The following KLHL29 variants were observed in gnomAD, a reference collection of about 807,000 sequenced individuals.
KLHL29 encodes the protein kelch-like protein 29.
A neutral mutation model predicts 80.4 loss-of-function variants in KLHL29; 21 were observed. That is an observed-to-expected ratio of 0.26 (90% CI 0.19 to 0.38). KLHL29 has a LOEUF of 0.38. KLHL29 is among the 10% of genes least tolerant of loss of function. The pLI, the probability that KLHL29 is intolerant of heterozygous loss-of-function variation, is 1.00. For missense variants in KLHL29, 867 were observed against 1,223.9 expected (o/e 0.71, Z 4.35); for synonymous variants, 511 against 526.8 (o/e 0.97, Z 0.41).
chr2:23,415,457 A>AT (rs1429637060), intron 1 of KLHL29, among the ~76,000 whole-genome samples: 1 of 152,188 alleles, frequency 6.6e-6, no homozygotes, highest in Non-Finnish European at 1.5e-5. Flanking sequence ...TTAAAGCATT[A>AT]TTGTTACTTG....
At chr2:23,692,323 T>A (rs1386964421) in intron 7 of KLHL29, among the ~76,000 whole-genome samples, 1 of 152,210 alleles carries the variant, frequency 6.6e-6, no homozygotes, top group Admixed American at 6.5e-5. Context: ...GAACTGTCCC[T>A]TGAGTACCCA....
At position 23,706,807 on chromosome 2, in the gene KLHL29, T is replaced by G; in HGVS notation, c.*143T>G. 1 of 579,408 alleles carries G rather than the reference T, an allele frequency of 1.7e-6. No homozygotes were observed. Among genetic ancestry groups the G allele is most frequent in the Non-Finnish European group, 2.9e-6 (1 of 349,472 alleles). The allele number at this position is 579,408 out of a possible 1,614,324, so 35.9% of individuals were successfully genotyped here. A position where few individuals can be genotyped will look rare whatever the true frequency, so the allele number is the denominator to read the frequency against. ...TGCGCTCAACATGTTGAATATTCTC[T>G]ACATTGAATGTAGAAAATCATCCTC... On this transcript the variant is annotated 3_prime_UTR_variant, in exon 14 of 14. Coordinates refer to ENST00000486442, the MANE Select transcript of KLHL29 (RefSeq NM_052920.2).
At chr2:23,392,630 G>A (rs1383596148) in intron 1 of KLHL29, among the ~76,000 whole-genome samples, 3 of 152,174 alleles carry the variant, frequency 2.0e-5, no homozygotes. Flanking sequence ...TGAAGATGAG[G>A]CTCAGTGGTA....
chr2:23,511,104 G>A (rs1653771), intron 2 of KLHL29, among the ~76,000 whole-genome samples: 70,437 of 151,984 alleles, frequency 0.46, 17,211 homozygotes, highest in Middle Eastern at 0.54. Flanking sequence ...TGGCAGGGTT[G>A]CTTCCTTCTG....
intron 2 of KLHL29, among the ~76,000 whole-genome samples, chr2:23,501,245 T>C (rs1665426072): frequency 6.6e-6 from 1 of 152,080 alleles, no homozygotes; most frequent in African/African-American, 2.4e-5. Flanking sequence ...TCTCAGGGTC[T>C]GTTCCTTGCT....
intron 5 of KLHL29, among the ~76,000 whole-genome samples, chr2:23,649,470 AG>A (rs1363748710): frequency 3.3e-5 from 5 of 152,210 alleles, no homozygotes; most frequent in African/African-American, 1.2e-4. Context: ...TGAGTGAACC[AG>A]GCAAGCGGAA....
chr2:23,559,507 G>A (rs923982746), intron 2 of KLHL29, among the ~76,000 whole-genome samples: 1 of 152,120 alleles, frequency 6.6e-6, no homozygotes, highest in African/African-American at 2.4e-5. Context: ...CGTGGCTGCA[G>A]ATGGAGAAGG....
intron 3 of KLHL29, among the ~76,000 whole-genome samples, chr2:23,607,220 G>A (rs547419097): frequency 5.9e-5 from 9 of 152,224 alleles, no homozygotes; most frequent in Admixed American, 1.3e-4. Context: ...CTCAGAGAGG[G>A]CCTGCAAACT....
At position 23,422,059 on chromosome 2, in the gene KLHL29, CTG is replaced by C. The variant is rs542257221; in HGVS notation, c.-154+36287_-154+36288del. On this transcript the variant is annotated intron_variant, in intron 1 of 13. Transcript: ENST00000486442. ...TGTGTGTTCATGTGTTTGTGTGTCT[CTG>C]TGTGTGTCAGTGTGTCTCCCTTTGC... is the stretch of plus-strand genomic sequence containing the variant. Among the ~76,000 whole-genome samples, 5 of 150,750 alleles carry C rather than the reference CTG, an allele frequency of 3.3e-5. No homozygotes were observed. The East Asian group carries it at 5.9e-4, about 18-fold the overall frequency.
chr2:23,462,943 T>C (rs1181022876), intron 1 of KLHL29, among the ~76,000 whole-genome samples: 1 of 152,170 alleles, frequency 6.6e-6, no homozygotes, highest in African/African-American at 2.4e-5. Flanking sequence ...GAGGGCAGCC[T>C]GGGCAACATA....
intron 3 of KLHL29, among the ~76,000 whole-genome samples, chr2:23,625,238 C>T (rs774649621): frequency 2.0e-5 from 3 of 152,186 alleles, no homozygotes; most frequent in Admixed American, 6.5e-5. Context: ...CAGCAGGACA[C>T]GGGGTATAAC....
intron 3 of KLHL29, among the ~76,000 whole-genome samples, chr2:23,569,766 C>G (rs945786933): frequency 1.3e-5 from 2 of 152,158 alleles, no homozygotes; most frequent in Admixed American, 6.5e-5. Context: ...TAATGCATCT[C>G]AGGATCATTT....
intron 11 of KLHL29, chr2:23,697,194 G>A (rs1316222523): frequency 1.3e-5 from 2 of 152,396 alleles, no homozygotes; most frequent in Non-Finnish European, 2.9e-5. Flanking sequence ...GGCCATTGTG[G>A]AGGGTCAGAT....
At chr2:23,588,369 CAG>C (rs1668169839) in intron 3 of KLHL29, among the ~76,000 whole-genome samples, 1 of 152,226 alleles carries the variant, frequency 6.6e-6, no homozygotes, top group Non-Finnish European at 1.5e-5. Context: ...GCAGCTAAGT[CAG>C]AGCTCCGAGG....
At chr2:23,568,600 T>C (rs114248306) in intron 3 of KLHL29, among the ~76,000 whole-genome samples, 1 of 152,352 alleles carries the variant, frequency 6.6e-6, no homozygotes, top group African/African-American at 2.4e-5. Context: ...GATGCTTTTC[T>C]AACCTCTTCC....
intron 13 of KLHL29, among the ~76,000 whole-genome samples, chr2:23,706,192 C>T (rs1280696185): frequency 2.6e-5 from 4 of 152,196 alleles, no homozygotes; most frequent in African/African-American, 7.2e-5. Flanking sequence ...GCTGAGTGCC[C>T]GCACAGAGAT....
At chr2:23,642,293 T>C in intron 4 of KLHL29, 45 bp from the exon 5 acceptor site, 1 of 1,392,372 alleles carries the variant, frequency 7.2e-7, no homozygotes, top group Non-Finnish European at 9.4e-7. Flanking sequence ...GTTTGTTGAA[T>C]GAAAATGTAA....
intron 5 of KLHL29, among the ~76,000 whole-genome samples, chr2:23,662,766 T>G (rs1489352872): frequency 6.6e-6 from 1 of 152,174 alleles, no homozygotes; most frequent in Non-Finnish European, 1.5e-5. Flanking sequence ...CTGTCTATGG[T>G]GCTCCTTGGA....
chr2:23,444,542 G>T (rs1394938597), intron 1 of KLHL29, among the ~76,000 whole-genome samples: 5 of 151,952 alleles, frequency 3.3e-5, no homozygotes, highest in African/African-American at 1.2e-4. Context: ...ACCAGGCTGG[G>T]CTCAAACTCC....
Sources: gnomAD v4.1 joint callset for allele counts (sites outside exome capture counted in the v4.1 genomes callset) on GRCh38, gnomAD v4.1.1 for gene constraint, MANE v1.5 for transcripts, NCBI Gene and HGNC (gene_info 2026-07-23, HGNC 2026-07-21) for gene names.